SYTL3: variants seen among roughly 807,000 people sequenced by gnomAD.
SYTL3 encodes the protein synaptotagmin-like protein 3.
In SYTL3, 88 loss-of-function variants were observed where a neutral mutation model predicts 82.1. The ratio of observed to expected loss-of-function variants is 1.07; its 90% CI spans 0.90 to 1.28. SYTL3 has a LOEUF of 1.28. Among genes scored for constraint, SYTL3 ranks in the 50% most tolerant of loss-of-function variants. The pLI is 0.00. For synonymous variants in SYTL3, 311 were observed against 289.4 expected (o/e 1.07, Z -0.76); for missense variants, 831 against 757.6 (o/e 1.10, Z -1.14).
chr6:158,670,297 A>G (rs1250902279), intron 5 of SYTL3, among the ~76,000 whole-genome samples: 1 of 152,176 alleles, frequency 6.6e-6, no homozygotes, highest in African/African-American at 2.4e-5. Context: ...AAATATATCT[A>G]CCCTTCAAGT....
At chr6:158,688,960 G>A (rs775583594) in intron 6 of SYTL3, among the ~76,000 whole-genome samples, 18 of 152,132 alleles carry the variant, frequency 1.2e-4, no homozygotes, top group Admixed American at 3.9e-4. Flanking sequence ...GTTTCTTCAT[G>A]TAGTAATTTA....
At chr6:158,682,857 A>T in intron 5 of SYTL3, 68 bp from the exon 6 acceptor site, 1 of 1,238,328 alleles carries the variant, frequency 8.1e-7, no homozygotes, top group Non-Finnish European at 1.2e-6. Context: ...CCTAACCCTT[A>T]AAAGGGGTAA....
At chr6:158,762,019 T>C (rs1790045334) in intron 15 of SYTL3, 57 bp from the exon 16 acceptor site, 1 of 1,290,110 alleles carries the variant, frequency 7.8e-7, no homozygotes, top group Non-Finnish European at 1.1e-6. Flanking sequence ...GTGGTGGTAC[T>C]GCATACTAAC....
At chr6:158,696,645 C>T (rs1780590157) in intron 6 of SYTL3, among the ~76,000 whole-genome samples, 1 of 151,870 alleles carries the variant, frequency 6.6e-6, no homozygotes, top group Non-Finnish European at 1.5e-5. Context: ...GCTTATTGGC[C>T]ATTTGTACAT....
At chr6:158,674,374 T>C (rs936523859) in intron 5 of SYTL3, among the ~76,000 whole-genome samples, 1 of 152,060 alleles carries the variant, frequency 6.6e-6, no homozygotes, top group Non-Finnish European at 1.5e-5. Flanking sequence ...TTCTCAGAGG[T>C]GGGTCTTAAA....
chr6:158,700,993 G>A (rs1362242599), intron 6 of SYTL3, among the ~76,000 whole-genome samples: 1 of 152,218 alleles, frequency 6.6e-6, no homozygotes, highest in East Asian at 1.9e-4. Flanking sequence ...CAGAAGATGA[G>A]GCCATGTCCT....
chr6:158,649,130 GTAAA>G (rs1215292713), upstream of SYTL3, among the ~76,000 whole-genome samples: 3 of 152,190 alleles, frequency 2.0e-5, no homozygotes, highest in Non-Finnish European at 2.9e-5. Context: ...GTTCCAATGG[GTAAA>G]TATTCATGCT....
chr6:158,755,085 G>A (rs777382218), intron 13 of SYTL3, among the ~76,000 whole-genome samples: 3 of 152,214 alleles, frequency 2.0e-5, no homozygotes, highest in African/African-American at 4.8e-5. Flanking sequence ...GCTCACGCTT[G>A]TAATCCCAGA....
chr6:158,665,552 C>T lies in SYTL3; in HGVS notation c.268C>T (p.Gln90Ter), dbSNP rs763411698. The change falls in exon 5 of 18, where the codon CAG becomes TAG. Residue 90 changes from glutamine to a stop codon, truncating the protein, a stop_gained. Transcript: ENST00000611299. LOFTEE classifies it high-confidence loss of function. Reference sequence around the variant, plus strand: ...GGGCTGCAGCCACCGCGTGTGTGCCCAGTGCCGAGTGTTCCTGAGGGGGAC... The same window carrying T: ...GGGCTGCAGCCACCGCGTGTGTGCCTAGTGCCGAGTGTTCCTGAGGGGGAC... ...CRGCSHRVCA[Q>*]CRVFLRGTHA... 15 of 1,584,436 alleles carry T rather than the reference C, an allele frequency of 9.5e-6. No homozygotes were observed. Among genetic ancestry groups the T allele is most frequent in the Admixed American group, 1.9e-5 (1 of 53,756 alleles).
intron 6 of SYTL3, among the ~76,000 whole-genome samples, chr6:158,683,440 C>G (rs891214230): frequency 6.6e-6 from 1 of 151,900 alleles, no homozygotes; most frequent in African/African-American, 2.4e-5. Flanking sequence ...AGGATGGTCT[C>G]GATCTCCTGA....
At position 158,742,306 on chromosome 6, in the gene SYTL3, T is replaced by C. The variant is rs148421787; in HGVS notation, c.856-3174T>C. On this transcript the variant is annotated intron_variant, in intron 11 of 17. Transcript: ENST00000611299. ...AAAAACTGCAATTATTTTTGCACTT[T>C]TATTATGCTTCATAGAGAATTTGCT... 5.4e-3 allele frequency among the ~76,000 whole-genome samples: 818 copies of C among 152,366 alleles called. 2 individuals carry two copies. The highest frequency in any genetic ancestry group is 8.3e-3 in the Non-Finnish European group (568 of 68,038).
rs141533573 is a variant in SYTL3 at position 158,713,394 on chromosome 6, C to T, written c.517-406C>T. On this transcript the variant is annotated intron_variant, in intron 8 of 17. Transcript: ENST00000611299. Reference sequence around the variant, plus strand: ...CCATCCTCATCCCCTGTGCCACCCACATCCTGCCACTTCTGCATGGAGTTG... The same window carrying T: ...CCATCCTCATCCCCTGTGCCACCCATATCCTGCCACTTCTGCATGGAGTTG... Among the ~76,000 whole-genome samples, 1,444 of 152,248 alleles carry T rather than the reference C, an allele frequency of 9.5e-3. 23 individuals carry two copies. The highest frequency in any genetic ancestry group is 0.011 in the Non-Finnish European group (718 of 68,008).
rs869182913 is a variant in SYTL3 at position 158,744,304 on chromosome 6, C to CTTTTTT, written c.856-1161_856-1156dup. ...GCTTGTTTTTTTTTTCTTTTTCTTT[C>CTTTTTT]TTTTTTTTTTTTTTTTTTTTGAGAC... On this transcript the variant is annotated intron_variant, in intron 11 of 17. Coordinates refer to ENST00000611299, the MANE Select transcript of SYTL3 (RefSeq NM_001242394.2). Among the ~76,000 whole-genome samples, 68 of 99,220 alleles carry CTTTTTT rather than the reference C, an allele frequency of 6.9e-4. 1 individual carries two copies. The highest frequency in any genetic ancestry group is 1.6e-3 in the Admixed American group (11 of 7,030). 65.1% of individuals were successfully genotyped at this position (99,220 alleles called of 152,430 possible).
At chr6:158,763,586 C>T in intron 17 of SYTL3, 77 bp downstream of exon 17, 1 of 1,317,172 alleles carries the variant, frequency 7.6e-7, no homozygotes, top group Non-Finnish European at 1.1e-6. Flanking sequence ...AAAATGCTTC[C>T]ACCAGGGCAG....
At chr6:158,698,878 C>G (rs1186089834) in intron 6 of SYTL3, among the ~76,000 whole-genome samples, 1 of 152,162 alleles carries the variant, frequency 6.6e-6, no homozygotes, top group Admixed American at 6.5e-5. Context: ...TTTAGATAGC[C>G]CCACCTGTGC....
At chr6:158,757,089 T>C in intron 13 of SYTL3, 122 bp from the exon 14 acceptor site, 2 of 813,920 alleles carry the variant, frequency 2.5e-6, no homozygotes, top group Admixed American at 3.2e-5. Flanking sequence ...ACTCAGCCTG[T>C]GGGAGGGAGG....
chr6:158,694,132 G>A (rs557191604), intron 6 of SYTL3, among the ~76,000 whole-genome samples: 8 of 152,114 alleles, frequency 5.3e-5, no homozygotes, highest in South Asian at 4.1e-4. Flanking sequence ...ATTGCTTTTC[G>A]TGTCTCAGAG....
intron 6 of SYTL3, among the ~76,000 whole-genome samples, chr6:158,683,215 C>CTTTT (rs35183958): frequency 3.9e-4 from 36 of 92,118 alleles, no homozygotes; most frequent in South Asian, 8.3e-4. Context: ...GGCCCTATTC[C>CTTTT]TTTTTTTTTT....
At chr6:158,689,643 T>G (rs1583242813) in intron 6 of SYTL3, among the ~76,000 whole-genome samples, 1 of 151,982 alleles carries the variant, frequency 6.6e-6, no homozygotes, top group East Asian at 1.9e-4. Flanking sequence ...CTTCTAATTT[T>G]TACTTAACTT....
Sources: allele counts gnomAD v4.1 joint callset (sites outside exome capture counted in the v4.1 genomes callset), GRCh38; gene constraint gnomAD v4.1.1; transcripts MANE v1.5; gene names NCBI Gene and HGNC (gene_info 2026-07-23, HGNC 2026-07-21).